The following AMOTL1 variants were observed in gnomAD, a reference collection of about 807,000 sequenced individuals.
The protein encoded by AMOTL1 is angiomotin like 1, also known as angiomotin-like protein 1.
AMOTL1 carries 45 observed loss-of-function variants against 102.9 expected under a neutral mutation model. That is an observed-to-expected ratio of 0.44 (90% confidence interval 0.34 to 0.56). The LOEUF is 0.56. AMOTL1 is among the 20% of genes least tolerant of loss of function. AMOTL1 has a pLI of 0.01. For synonymous variants in AMOTL1, 481 were observed against 484.7 expected (o/e 0.99, Z 0.10); for missense variants, 1,114 against 1,225.6 (o/e 0.91, Z 1.36).
At chr11:94,742,847 C>G (rs1383219922) in intron 3 of AMOTL1, among the ~76,000 whole-genome samples, 1 of 152,174 alleles carries the variant, frequency 6.6e-6, no homozygotes, top group African/African-American at 2.4e-5. Context: ...TCTATCTTCT[C>G]ACTGTGTCCT....
At position 94,736,821 on chromosome 11, in the gene AMOTL1, C is replaced by A. The variant is rs138592869; in HGVS notation, c.86-4117C>A. Reference sequence around the variant, plus strand: ...GTGTGGGTAGGCACTTTGGACATTGCCCTGAGATTCAATAAGGTCTGTCAT... The same window carrying A: ...GTGTGGGTAGGCACTTTGGACATTGACCTGAGATTCAATAAGGTCTGTCAT... On this transcript the variant is annotated intron_variant, in intron 2 of 4. Coordinates refer to the AMOTL1 transcript ENST00000299004. Among the ~76,000 whole-genome samples the A allele has an allele frequency of 3.3e-3, 497 of 152,276 alleles. 3 individuals are homozygous for A. Among genetic ancestry groups the A allele is most frequent in the African/African-American group, 0.011 (471 of 41,546 alleles).
At chr11:94,733,180 T>C (rs1950381907) in intron 2 of AMOTL1, among the ~76,000 whole-genome samples, 2 of 152,240 alleles carry the variant, frequency 1.3e-5, no homozygotes, top group Non-Finnish European at 2.9e-5. Flanking sequence ...CTGCGTTCTA[T>C]CCATTTTACT....
intron 9 of AMOTL1, among the ~76,000 whole-genome samples, chr11:94,860,322 G>A (rs1401762108): frequency 6.6e-6 from 1 of 152,168 alleles, no homozygotes; most frequent in Non-Finnish European, 1.5e-5. Context: ...TGTGTCAAAT[G>A]GAGATCTGCC....
chr11:94,764,546 G>A (rs1199931235), upstream of AMOTL1, among the ~76,000 whole-genome samples: 1 of 152,210 alleles, frequency 6.6e-6, no homozygotes, highest in Non-Finnish European at 1.5e-5. Context: ...ACTACCAGTT[G>A]TAGCGATGGT....
At chr11:94,767,458 G>T (rs1950868782), upstream of AMOTL1, among the ~76,000 whole-genome samples, 1 of 152,156 alleles carries the variant, frequency 6.6e-6, no homozygotes, top group Non-Finnish European at 1.5e-5. Flanking sequence ...GACCTAGATA[G>T]CAGGTAAACA....
At chr11:94,821,494 C>T in intron 3 of AMOTL1, 36 bp from the exon 4 acceptor site, 1 of 1,593,312 alleles carries the variant, frequency 6.3e-7, no homozygotes, top group South Asian at 1.1e-5. Flanking sequence ...CCACCATTTC[C>T]CCAGGCTCTA....
At chr11:94,846,875 T>G (rs533496526) in intron 6 of AMOTL1, among the ~76,000 whole-genome samples, 149 of 152,314 alleles carry the variant, frequency 9.8e-4, no homozygotes, top group Middle Eastern at 3.4e-3. Context: ...TACAGTAAAC[T>G]TAGAATAAAG....
chr11:94,756,881 A>G (rs1950732235), intron 3 of AMOTL1, among the ~76,000 whole-genome samples: 1 of 152,168 alleles, frequency 6.6e-6, no homozygotes, highest in Admixed American at 6.5e-5. Flanking sequence ...TTGTGGGACC[A>G]TTAGACCTCT....
chr11:94,804,726 T>C (rs1035959879), intron 3 of AMOTL1, among the ~76,000 whole-genome samples: 1 of 152,236 alleles, frequency 6.6e-6, no homozygotes, highest in Non-Finnish European at 1.5e-5. Flanking sequence ...CTAAGACTTA[T>C]ATATTATAAT....
Position 94,876,621 on chromosome 11 carries a change from A to T in AMOTL1, c.*5826A>T, listed in dbSNP as rs1484056331. 3 of 152,674 alleles carry T rather than the reference A, an allele frequency of 2.0e-5. No homozygotes were observed. The highest frequency in any genetic ancestry group is 2.0e-4 in the Admixed American group (3 of 15,282). 9.5% of individuals were successfully genotyped at this position (152,674 alleles called of 1,614,324 possible). ...AAGATTTTCCTCTCCTTTGCTGCTT[A>T]AACTTGTGCCTTAATATTGTACATA... On this transcript the variant is annotated 3_prime_UTR_variant, in exon 13 of 13. Transcript: ENST00000433060.
At chr11:94,863,714 C>G (rs941289038) in intron 9 of AMOTL1, among the ~76,000 whole-genome samples, 1 of 152,172 alleles carries the variant, frequency 6.6e-6, no homozygotes, top group African/African-American at 2.4e-5. Flanking sequence ...ATTATTGTGC[C>G]TTTCATCTTG....
In AMOTL1 at chr11:94,866,636, A is replaced by G. The variant is rs59993952; in HGVS notation, c.2488+468A>G. On this transcript the variant is annotated intron_variant, in intron 11 of 12. Transcript: ENST00000433060. ...GGAGAGTGTCTGCCTGCTTTACCCC[A>G]TGGGGCGTGGGAGGGAAGAATGGGA... The G allele has an allele frequency of 7.1e-3, 1,242 of 174,312 alleles. 23 individuals are homozygous for G. Among genetic ancestry groups the G allele is most frequent in the African/African-American group, 0.03 (1,172 of 39,262 alleles). 10.8% of individuals were successfully genotyped at this position (174,312 alleles called of 1,614,324 possible).
chr11:94,865,878 T>C (rs1952872271), intron 10 of AMOTL1, 64 bp from the exon 11 acceptor site: 1 of 1,402,902 alleles, frequency 7.1e-7, no homozygotes, highest in Admixed American at 1.9e-5. Context: ...CAGCCTGAGA[T>C]AAATGTTTCA....
intron 6 of AMOTL1, among the ~76,000 whole-genome samples, chr11:94,841,309 G>T (rs1466223016): frequency 6.6e-6 from 1 of 151,974 alleles, no homozygotes. Context: ...AAAATTAGCT[G>T]GGCGTGGTGG....
At chr11:94,851,775 AGT>A (rs1185732358) in intron 7 of AMOTL1, among the ~76,000 whole-genome samples, 2 of 152,366 alleles carry the variant, frequency 1.3e-5, no homozygotes, top group African/African-American at 4.8e-5. Context: ...TTGGCATGGT[AGT>A]GTTCCAACAG....
At chr11:94,867,698 A>T (rs566591432) in intron 11 of AMOTL1, among the ~76,000 whole-genome samples, 78 of 152,244 alleles carry the variant, frequency 5.1e-4, no homozygotes, top group Non-Finnish European at 8.7e-4. Context: ...CTCTGGAAGG[A>T]GGTGGAGGTG....
At chr11:94,805,218 C>A (rs1254241874) in intron 3 of AMOTL1, among the ~76,000 whole-genome samples, 3 of 152,318 alleles carry the variant, frequency 2.0e-5, no homozygotes, top group African/African-American at 7.2e-5. Flanking sequence ...GATGTCCAGC[C>A]TGTGCTCTGC....
At chr11:94,821,893 T>G (rs1211569074) in intron 4 of AMOTL1, 72 bp downstream of exon 4, 3 of 1,563,604 alleles carry the variant, frequency 1.9e-6, no homozygotes, top group Non-Finnish European at 2.6e-6. Context: ...ATGCACTGAC[T>G]GACTTGCCAA....
At chr11:94,753,523 A>T (rs1950683808) in intron 3 of AMOTL1, among the ~76,000 whole-genome samples, 1 of 152,208 alleles carries the variant, frequency 6.6e-6, no homozygotes, top group Non-Finnish European at 1.5e-5. Context: ...TTAGATTATA[A>T]CATTATGTCA....
Sources: allele counts gnomAD v4.1 joint callset (sites outside exome capture counted in the v4.1 genomes callset), GRCh38; gene constraint gnomAD v4.1.1; transcripts MANE v1.5; gene names NCBI Gene and HGNC (gene_info 2026-07-23, HGNC 2026-07-21).